Variants in HOOK2 observed in about 807,000 individuals in gnomAD.
HOOK2 encodes the protein hook microtubule tethering protein 2.
Under a neutral mutation model 111.9 loss-of-function variants are expected in HOOK2, and 108 were observed. The observed-to-expected ratio is 0.96, with a 90% CI of 0.83 to 1.13. The LOEUF is 1.13. Among genes scored for constraint, HOOK2 ranks in the 50% most tolerant of loss-of-function variants. The pLI, the probability that HOOK2 is intolerant of heterozygous loss-of-function variation, is 0.00. For missense variants in HOOK2, 978 were observed against 951.3 expected, an observed-to-expected ratio of 1.03 and a Z score of -0.37; for synonymous variants, 405 against 394.3, an observed-to-expected ratio of 1.03 and a Z score of -0.32.
Position 12,765,008 on chromosome 19 carries a change from C to G in HOOK2, c.1714G>C (p.Asp572His). ...ACTAGGTCCTACTTACTGCTGCTGT[C>G]AGTGGGTGGCTCCAGCTCCTCAATG... ...EYIEELEPPT[D>H]SSTARRIEEL... is the part of the protein sequence containing the mutation. The change falls in exon 19 of 23, where the codon GAC becomes CAC. Residue 572 changes from aspartate (D) to histidine (H), a missense_variant. By Grantham distance (81) the Asp-to-His change is moderately conservative. Around this residue, in one of 5 missense-constraint regions of HOOK2, gnomAD observed 277 missense variants for 265.8 expected, o/e 1.04. Transcript: ENST00000397668. 7 of 1,614,192 alleles carry G rather than the reference C, an allele frequency of 4.3e-6. No homozygotes were observed. The highest frequency in any genetic ancestry group is 5.9e-6 in the Non-Finnish European group (7 of 1,180,028).
chr19:12,764,056 C>A (rs1333331766), intron 20 of HOOK2, among the ~76,000 whole-genome samples: 4 of 151,998 alleles, frequency 2.6e-5, no homozygotes, highest in Admixed American at 2.6e-4. Flanking sequence ...GCTCTGTTGC[C>A]CAGCCTGGAG....
intron 11 of HOOK2, 72 bp downstream of exon 11, chr19:12,769,809 G>C (rs1968261338): frequency 1.4e-5 from 17 of 1,251,966 alleles, no homozygotes; most frequent in Non-Finnish European, 1.7e-5. Context: ...AGGGGTGGGC[G>C]GAGGGCTGGC....
At chr19:12,784,831 GA>G (rs1968640947) in intron 3 of HOOK2, 1 of 152,262 alleles carries the variant, frequency 6.6e-6, no homozygotes, top group Non-Finnish European at 1.5e-5. Flanking sequence ...GACAAGACAA[GA>G]GAGACAAACC....
At chr19:12,775,337 C>A in intron 1 of HOOK2, 68 bp downstream of exon 1, 1 of 1,578,268 alleles carries the variant, frequency 6.3e-7, no homozygotes, top group Non-Finnish European at 8.6e-7. Context: ...ACTGACCGAA[C>A]CAGGGCCAGG....
chr19:12,776,950 G>A (rs968738242), upstream of HOOK2, among the ~76,000 whole-genome samples: 1 of 151,828 alleles, frequency 6.6e-6, no homozygotes, highest in African/African-American at 2.4e-5. Flanking sequence ...GAGGTCAGGA[G>A]ATCGAGACCA....
At chr19:12,792,238 A>G in intron 3 of HOOK2, 2 of 1,521,958 alleles carry the variant, frequency 1.3e-6, no homozygotes, top group South Asian at 2.5e-5. Context: ...ACACCCCCCA[A>G]CGTGTCCCTG....
At chr19:12,775,753 C>T, upstream of HOOK2, 1 of 322,118 alleles carries the variant, frequency 3.1e-6, no homozygotes, top group Non-Finnish European at 5.6e-6. Context: ...GTGGTCCCAC[C>T]TCCCATCCTC....
At chr19:12,775,163 C>G (rs1251825871) in intron 1 of HOOK2, 1 of 982,736 alleles carries the variant, frequency 1.0e-6, no homozygotes, top group Non-Finnish European at 1.2e-6. Context: ...GTGACCAGGC[C>G]AATTCACCTG....
At chr19:12,776,274 A>G (rs1968506204), upstream of HOOK2, among the ~76,000 whole-genome samples, 1 of 151,924 alleles carries the variant, frequency 6.6e-6, no homozygotes, top group Middle Eastern at 3.2e-3. Flanking sequence ...AGGGGATGCT[A>G]AAGGGGTTTT....
In HOOK2 at chr19:12,768,081, C is replaced by A. The variant is rs1568364366; in HGVS notation, c.1147G>T (p.Ala383Ser). The stretch of plus-strand genomic sequence containing the variant: ...CGGCATTCAAATAGCCATTTCTCGG[C>A]CTTCATGGCCTCCTCCTGCCGCTGG... ...QGQRQEEAMK[A>S]EKWLFECRNL... Residue 383 changes from alanine to serine, a missense_variant, in exon 12 of 23, where the codon GCC (alanine) becomes TCC (serine). By Grantham distance (99) the Ala-to-Ser change is moderately conservative (BLOSUM62 1). Coordinates refer to ENST00000397668, the MANE Select transcript of HOOK2 (RefSeq NM_013312.3). The A allele has an allele frequency of 6.8e-6, 11 of 1,614,254 alleles. No individual in the cohort carries two copies. The highest frequency in any genetic ancestry group is 9.3e-6 in the Non-Finnish European group (11 of 1,180,048).
At chr19:12,774,464 G>C (rs1238037976) in intron 3 of HOOK2, 2 of 613,996 alleles carry the variant, frequency 3.3e-6, no homozygotes, top group African/African-American at 1.8e-5. Context: ...ATGGCTGTGT[G>C]GGGCAGGTTT....
rs1388081232 is a variant in HOOK2 at position 12,763,779 on chromosome 19, C to T, written c.1828-1G>A. The T allele has an allele frequency of 1.2e-6, 2 of 1,613,306 alleles. No homozygotes were observed. The highest frequency in any genetic ancestry group is 1.3e-5 in the African/African-American group (1 of 74,898). The stretch of plus-strand genomic sequence containing the variant: ...GCTTGGGTTCCATGGTCTGCATGAC[C>T]TACAGGTTGAGGAAGTCATAGCCAG... On this transcript the variant is annotated splice_acceptor_variant, in intron 20 of 22. Transcript: ENST00000397668. LOFTEE classifies it high-confidence loss of function.
rs958197755 is a variant in HOOK2, at chr19:12,791,263, G to A, written n.42-17038C>T. On this transcript the variant is annotated intron_variant and non_coding_transcript_variant, in intron 3 of 3. Coordinates refer to the HOOK2 transcript ENST00000589765. The surrounding 1 kb of genome is among the most constrained non-coding windows in gnomAD (Gnocchi z 7.0). Reference sequence around the variant, plus strand: ...CAGCACCTCCTTCCATGCGTACCCCGAGGTCCTTTGAGCCCCTCCCCCTGC... The same window carrying A: ...CAGCACCTCCTTCCATGCGTACCCCAAGGTCCTTTGAGCCCCTCCCCCTGC... Among the ~76,000 whole-genome samples, 1 of 152,028 alleles carries A rather than the reference G, an allele frequency of 6.6e-6. No individual in the cohort carries two copies. The highest frequency in any genetic ancestry group is 1.5e-5 in the Non-Finnish European group (1 of 68,000).
In HOOK2 at chr19:12,766,214, T is replaced by C; in HGVS notation, c.1400A>G (p.Glu467Gly). The C allele has an allele frequency of 6.3e-7, 1 of 1,592,390 alleles. No homozygotes were observed. The highest frequency in any genetic ancestry group is 8.5e-7 in the Non-Finnish European group (1 of 1,176,114). Residue 467 changes from glutamate to glycine, a missense_variant, in exon 15 of 23, where the codon GAG (glutamate) becomes GGG (glycine). Coordinates refer to ENST00000397668, the MANE Select transcript of HOOK2 (RefSeq NM_013312.3). Reference sequence around the variant, plus strand: ...CTCCTGCCTGCACAGCCGCTTGTTCTCCAGCTGAAGCCGCAGGAGCGTCTC... The same window carrying C: ...CTCCTGCCTGCACAGCCGCTTGTTCCCCAGCTGAAGCCGCAGGAGCGTCTC... ...LRETLLRLQL[E>G]NKRLCRQEAA...
At position 12,767,736 on chromosome 19, in the gene HOOK2, GA is replaced by G. The variant is rs1968197191; in HGVS notation, c.1303+79del. 3.0e-6 allele frequency: 4 copies of G among 1,328,560 alleles called. No individual in the cohort carries two copies. The African/African-American group carries it at 5.8e-5, about 19-fold the overall frequency. 82.3% of individuals were successfully genotyped at this position (1,328,560 alleles called of 1,614,324 possible). A position where few individuals can be genotyped will look rare whatever the true frequency, so the allele number is the denominator to read the frequency against. On this transcript the variant is annotated intron_variant, in intron 13 of 22. Coordinates refer to ENST00000397668, the MANE Select transcript of HOOK2 (RefSeq NM_013312.3). The stretch of plus-strand genomic sequence containing the variant: ...CTGGCCTAGCTCTGTCCCCAACCTA[GA>G]CATGCACTGGGACACAACCTGTTCT...
intron 14 of HOOK2, chr19:12,766,464 G>T: frequency 1.9e-6 from 1 of 515,956 alleles, no homozygotes; most frequent in Non-Finnish European, 3.4e-6. Flanking sequence ...GGCAGGGGCG[G>T]AGCTACAAGA....
At chr19:12,765,160 C>A (rs977631301) in intron 18 of HOOK2, 79 bp from the exon 19 acceptor site, 20 of 1,412,680 alleles carry the variant, frequency 1.4e-5, no homozygotes, top group Non-Finnish European at 1.8e-5. Flanking sequence ...CACAGACCTC[C>A]CCGCCAGCCA....
rs35979347 is a variant in HOOK2 at position 12,767,435 on chromosome 19, C to T, written c.1333G>A (p.Val445Met). ...AGGATCTCTGCGGCTAAGTTATCCA[C>T]GGGTGTGGAGGTGGGATCCAGTGAG... ...DPSLDPTSTP[V>M]DNLAAEILPA... Residue 445 changes from valine (V) to methionine (M), a missense_variant, in exon 14 of 23, where the codon GTG becomes ATG. Coordinates refer to ENST00000397668, the MANE Select transcript of HOOK2 (RefSeq NM_013312.3). The T allele has an allele frequency of 1.6e-3, 2,586 of 1,614,028 alleles. 3 individuals are homozygous for T. Among genetic ancestry groups the T allele is most frequent in the Non-Finnish European group, 1.9e-3 (2,225 of 1,179,944 alleles).
At chr19:12,767,735 A>T in intron 13 of HOOK2, 81 bp downstream of exon 13, 2 of 1,314,600 alleles carry the variant, frequency 1.5e-6, no homozygotes, top group Non-Finnish European at 2.1e-6. Flanking sequence ...TCCCCAACCT[A>T]GACATGCACT....
Sources: gnomAD v4.1 joint callset for allele counts (sites outside exome capture counted in the v4.1 genomes callset) on GRCh38, gnomAD v4.1.1 for gene constraint, gnomAD v4.1.1 regional missense constraint, Gnocchi (gnomAD v3.1) non-coding constraint, MANE v1.5 for transcripts, NCBI Gene and HGNC (gene_info 2026-07-23, HGNC 2026-07-21) for gene names.